GLRB: variants seen among roughly 807,000 people sequenced by gnomAD.
The protein encoded by GLRB is glycine receptor subunit beta.
In GLRB, 33 loss-of-function variants were observed where a neutral mutation model predicts 54.2. The observed-to-expected ratio is 0.61, with a 90% confidence interval of 0.46 to 0.81. GLRB has a LOEUF of 0.81. Ranked by LOEUF, GLRB falls within the 40% of genes least tolerant of loss-of-function variation. The pLI, the probability that GLRB is intolerant of heterozygous loss-of-function variation, is 0.00. For missense variants in GLRB, 572 were observed against 584.6 expected (o/e 0.98, Z 0.22); for synonymous variants, 209 against 208.2 (o/e 1.00, Z -0.03).
chr4:157,115,778 C>A (rs1173301984), intron 2 of GLRB, among the ~76,000 whole-genome samples: 2 of 151,760 alleles, frequency 1.3e-5, no homozygotes, highest in Non-Finnish European at 2.9e-5. Flanking sequence ...AGAAATGATA[C>A]AACCAACACA....
intron 4 of GLRB, among the ~76,000 whole-genome samples, chr4:157,134,278 T>C (rs1044224304): frequency 1.3e-5 from 2 of 152,006 alleles, no homozygotes; most frequent in African/African-American, 4.8e-5. Context: ...AATGAGTGGC[T>C]GAGTATGGTG....
intron 2 of GLRB, among the ~76,000 whole-genome samples, chr4:157,084,165 G>A (rs551610483): frequency 1.3e-4 from 20 of 152,142 alleles, no homozygotes; most frequent in South Asian, 4.2e-4. Context: ...GCTCATAGCC[G>A]ACATAATAAG....
intron 2 of GLRB, among the ~76,000 whole-genome samples, chr4:157,095,902 C>A (rs539112810): frequency 6.6e-6 from 1 of 152,134 alleles, no homozygotes; most frequent in Admixed American, 6.5e-5. Context: ...CAAGAGACCA[C>A]CAGACAGCAT....
At chr4:157,162,529 C>G (rs540283902) in intron 9 of GLRB, among the ~76,000 whole-genome samples, 1 of 152,138 alleles carries the variant, frequency 6.6e-6, no homozygotes, top group Non-Finnish European at 1.5e-5. Flanking sequence ...GTGTGTATGT[C>G]CTTTCTGTTT....
intron 8 of GLRB, among the ~76,000 whole-genome samples, chr4:157,150,575 T>C (rs1054363918): frequency 6.6e-6 from 1 of 152,108 alleles, no homozygotes; most frequent in South Asian, 2.1e-4. Flanking sequence ...TGAATGATAT[T>C]GGCTAATCTT....
In GLRB at chr4:157,122,256, A is replaced by C. The variant is rs537802399; in HGVS notation, c.230-74A>C. On this transcript the variant is annotated intron_variant, in intron 3 of 9. Coordinates refer to ENST00000264428, the MANE Select transcript of GLRB (RefSeq NM_000824.5). ...GAAAAAATATAATAATTAAATGTGC[A>C]AACCAAAAAAACTATGATGATTCTG... 27 of 643,526 alleles carry C rather than the reference A, an allele frequency of 4.2e-5. No homozygotes were observed. The South Asian group carries it at 5.3e-4, about 13-fold the overall frequency. The allele number at this position is 643,526 out of a possible 1,614,324, so 39.9% of individuals were successfully genotyped here. A position where few individuals can be genotyped will look rare whatever the true frequency, so the allele number is the denominator to read the frequency against.
intron 2 of GLRB, among the ~76,000 whole-genome samples, chr4:157,115,846 C>T (rs1217817838): frequency 6.6e-6 from 1 of 151,794 alleles, no homozygotes; most frequent in Non-Finnish European, 1.5e-5. Context: ...AAGTTCATGT[C>T]CAGCTGAAAG....
rs1737279198 is a variant in GLRB at position 157,157,491 on chromosome 4, TC to T, written c.1197+4487del. Among the ~76,000 whole-genome samples the T allele has an allele frequency of 2.0e-5, 3 of 151,598 alleles. No homozygotes were observed. The South Asian group carries it at 6.3e-4, about 32-fold the overall frequency. On this transcript the variant is annotated intron_variant, in intron 9 of 9. Transcript: ENST00000264428. ...ATCTCCTAATGCTATCCCTCCCCGC[TC>T]CCCCCACCCCACGACAGGCCCTGGT...
intron 2 of GLRB, among the ~76,000 whole-genome samples, chr4:157,109,904 C>T (rs1167409488): frequency 2.0e-5 from 3 of 151,990 alleles, no homozygotes; most frequent in Admixed American, 2.0e-4. Context: ...CTTCCGTGCC[C>T]TCTCTGGGTA....
intron 9 of GLRB, among the ~76,000 whole-genome samples, chr4:157,164,298 A>G (rs181389777): frequency 1.3e-4 from 20 of 152,220 alleles, no homozygotes; most frequent in Admixed American, 8.5e-4. Flanking sequence ...CTTCTAAAGC[A>G]TACAGTTATT....
chr4:157,099,376 A>C (rs1419372201), intron 2 of GLRB, among the ~76,000 whole-genome samples: 4 of 150,110 alleles, frequency 2.7e-5, no homozygotes, highest in South Asian at 2.1e-4. Flanking sequence ...TCTCACTGTC[A>C]CCCAGGCTGG....
At chr4:157,153,569 C>T (rs1022843219) in intron 9 of GLRB, among the ~76,000 whole-genome samples, 9 of 152,160 alleles carry the variant, frequency 5.9e-5, no homozygotes, top group Non-Finnish European at 8.8e-5. Context: ...TCCCTCCCAG[C>T]AGTGAGTGGC....
chr4:157,129,798 G>T (rs2126550861), intron 4 of GLRB, among the ~76,000 whole-genome samples: 1 of 151,614 alleles, frequency 6.6e-6, no homozygotes, highest in East Asian at 2.0e-4. Flanking sequence ...GCAGCTTAAA[G>T]CAAGAAGAGT....
intron 4 of GLRB, among the ~76,000 whole-genome samples, chr4:157,130,274 GT>G (rs1427789057): frequency 6.6e-6 from 1 of 151,552 alleles, no homozygotes; most frequent in African/African-American, 2.4e-5. Flanking sequence ...AGTAGTCAGT[GT>G]TTTTGTTTGT....
intron 2 of GLRB, among the ~76,000 whole-genome samples, chr4:157,098,667 G>A (rs1456660710): frequency 1.3e-5 from 2 of 151,902 alleles, no homozygotes; most frequent in South Asian, 4.2e-4. Flanking sequence ...GAGGGCAGTG[G>A]CATGATCTCG....
At chr4:157,085,388 GAGCCACCATGCCC>G (rs1308536967) in intron 2 of GLRB, among the ~76,000 whole-genome samples, 1 of 152,100 alleles carries the variant, frequency 6.6e-6, no homozygotes, top group South Asian at 2.1e-4. Flanking sequence ...TTCCAGGCAT[GAGCCACCATGCCC>G]AGCCACCATT....
intron 9 of GLRB, among the ~76,000 whole-genome samples, chr4:157,162,151 G>T (rs191442965): frequency 2.0e-5 from 3 of 152,288 alleles, no homozygotes; most frequent in African/African-American, 7.2e-5. Context: ...AATGCATCAC[G>T]TAGTTCTCGT....
chr4:157,120,256 A>C, intron 2 of GLRB, among the ~76,000 whole-genome samples: 1 of 119,618 alleles, frequency 8.4e-6, no homozygotes, highest in African/African-American at 3.1e-5. Context: ...GGGGGGTGGG[A>C]TAGCTTTAGG....
chr4:157,084,504 T>C (rs1734335990), intron 2 of GLRB, among the ~76,000 whole-genome samples: 1 of 152,214 alleles, frequency 6.6e-6, no homozygotes, highest in Admixed American at 6.5e-5. Flanking sequence ...GTTGGAACTC[T>C]AGCTTTAAAA....
Sources: allele counts gnomAD v4.1 joint callset (sites outside exome capture counted in the v4.1 genomes callset), GRCh38; gene constraint gnomAD v4.1.1; transcripts MANE v1.5; gene names NCBI Gene and HGNC (gene_info 2026-07-23, HGNC 2026-07-21).